Variants in DCDC1 observed in about 807,000 individuals in gnomAD.
DCDC1 encodes doublecortin domain containing 1.
A neutral mutation model predicts 178.3 loss-of-function variants in DCDC1; 200 were observed. That is an observed-to-expected ratio of 1.12 (90% CI 1.00 to 1.26). The LOEUF is 1.26. Ranked by LOEUF, DCDC1 falls within the 50% of genes most tolerant of loss-of-function variation. DCDC1 has a pLI of 0.00. For synonymous variants in DCDC1, 690 were observed against 604.8 expected, an observed-to-expected ratio of 1.14 and a Z score of -2.07; for missense variants, 1,983 against 1,749.2, an observed-to-expected ratio of 1.13 and a Z score of -2.38.
intron 20 of DCDC1, among the ~76,000 whole-genome samples, chr11:30,969,151 C>A (rs930179802): frequency 2.6e-5 from 4 of 152,108 alleles, no homozygotes; most frequent in African/African-American, 9.7e-5. Flanking sequence ...GATGCTCACA[C>A]CCTAATTCCT....
chr11:31,140,805 T>C (rs1314364215), intron 9 of DCDC1, among the ~76,000 whole-genome samples: 1 of 152,188 alleles, frequency 6.6e-6, no homozygotes, highest in Non-Finnish European at 1.5e-5. Context: ...CAGATTCCAA[T>C]GAAACAATTT....
At chr11:31,219,126 G>A (rs1051181531) in intron 9 of DCDC1, among the ~76,000 whole-genome samples, 3 of 151,294 alleles carry the variant, frequency 2.0e-5, no homozygotes, top group African/African-American at 7.3e-5. Context: ...CACACACACA[G>A]CCCACATTAC....
chr11:31,242,198 T>G (rs1455799745), intron 8 of DCDC1, among the ~76,000 whole-genome samples: 1 of 151,940 alleles, frequency 6.6e-6, no homozygotes, highest in Non-Finnish European at 1.5e-5. Flanking sequence ...TACCTTTCTT[T>G]TTTCAGTTTC....
intron 9 of DCDC1, among the ~76,000 whole-genome samples, chr11:31,166,739 T>C (rs1364039140): frequency 2.6e-5 from 4 of 152,352 alleles, no homozygotes; most frequent in East Asian, 1.9e-4. Flanking sequence ...CTAGGTTATA[T>C]GCCTAGTTGA....
Position 30,866,734 on chromosome 11 carries a change from C to T in DCDC1, c.*41-1402G>A, listed in dbSNP as rs1489044676. The stretch of plus-strand genomic sequence containing the variant: ...ACACACTTTTGTTGTTTAAGCTACC[C>T]CTCTTGTGGTACTTAATTATGGCAC... On this transcript the variant is annotated intron_variant, in intron 38 of 38. Coordinates refer to ENST00000684477, the MANE Select transcript of DCDC1 (RefSeq NM_001387274.1). Among the ~76,000 whole-genome samples, 3 of 152,154 alleles carry T rather than the reference C, an allele frequency of 2.0e-5. No homozygotes were observed. The East Asian group carries it at 5.8e-4, about 30-fold the overall frequency.
intron 23 of DCDC1, among the ~76,000 whole-genome samples, chr11:30,923,885 G>A (rs1290326238): frequency 6.6e-6 from 1 of 152,012 alleles, no homozygotes; most frequent in Non-Finnish European, 1.5e-5. Context: ...CCAAAGTGCT[G>A]GGATTACAGG....
At chr11:31,100,477 G>T (rs1958435008) in intron 15 of DCDC1, among the ~76,000 whole-genome samples, 1 of 152,160 alleles carries the variant, frequency 6.6e-6, no homozygotes, top group South Asian at 2.1e-4. Context: ...TGAGTCCTGA[G>T]AATACAAAAT....
chr11:31,277,441 A>C (rs1428905714), intron 7 of DCDC1, among the ~76,000 whole-genome samples: 1 of 152,150 alleles, frequency 6.6e-6, no homozygotes, highest in Non-Finnish European at 1.5e-5. Flanking sequence ...TATATCTAAA[A>C]ATGAGATTGC....
chr11:30,894,911 T>C (rs1944085086), intron 34 of DCDC1, among the ~76,000 whole-genome samples: 1 of 152,180 alleles, frequency 6.6e-6, no homozygotes, highest in African/African-American at 2.4e-5. Context: ...GCTGTGCCCT[T>C]TATGCTGTTA....
intron 29 of DCDC1, among the ~76,000 whole-genome samples, chr11:30,907,965 G>C (rs1173283812): frequency 6.6e-6 from 1 of 152,138 alleles, no homozygotes; most frequent in Non-Finnish European, 1.5e-5. Flanking sequence ...GAATTGATGA[G>C]CTAAAGTTCT....
chr11:30,903,558 G>A lies in DCDC1; in HGVS notation c.4434C>T (p.Leu1478=). The change falls in exon 32 of 39, where the codon CTC becomes CTT. Residue 1478 remains leucine (L), a synonymous_variant. Coordinates refer to ENST00000684477, the MANE Select transcript of DCDC1 (RefSeq NM_001387274.1). Reference sequence around the variant, plus strand: ...GCTTTTGTTTCTCAGAGTCTCTCTGGAGAAAGGATTCATCTAGAGCCCATA... The same window carrying A: ...GCTTTTGTTTCTCAGAGTCTCTCTGAAGAAAGGATTCATCTAGAGCCCATA... ...LVLWALDESF[L]QRDSEKQKQD... 3.1e-6 allele frequency: 5 copies of A among 1,608,066 alleles called. No homozygotes were observed. Among genetic ancestry groups the A allele is most frequent in the Non-Finnish European group, 4.2e-6 (5 of 1,177,078 alleles).
intron 33 of DCDC1, 84 bp downstream of exon 33, chr11:30,900,262 A>AT (rs1944560400): frequency 8.1e-7 from 1 of 1,230,182 alleles, no homozygotes; most frequent in Admixed American, 3.4e-5. Context: ...TACACATTTA[A>AT]TTCATTTTCT....
intron 17 of DCDC1, among the ~76,000 whole-genome samples, chr11:31,082,237 G>A (rs918828225): frequency 1.3e-5 from 2 of 152,044 alleles, no homozygotes; most frequent in African/African-American, 4.8e-5. Flanking sequence ...TGCATCTAAC[G>A]TTAACTAGAC....
intron 8 of DCDC1, among the ~76,000 whole-genome samples, chr11:31,252,971 A>G (rs1944155631): frequency 6.6e-6 from 1 of 152,072 alleles, no homozygotes; most frequent in Admixed American, 6.6e-5. Flanking sequence ...AAATCAATCA[A>G]CAACACTGTC....
chr11:31,254,008 C>T (rs994062068), intron 8 of DCDC1, among the ~76,000 whole-genome samples: 15 of 152,066 alleles, frequency 9.9e-5, no homozygotes, highest in African/African-American at 3.6e-4. Context: ...CTGCAGTCAA[C>T]CCACACCAAC....
chr11:30,963,712 A>G (rs1322291414), intron 20 of DCDC1, among the ~76,000 whole-genome samples: 1 of 152,114 alleles, frequency 6.6e-6, no homozygotes, highest in Non-Finnish European at 1.5e-5. Flanking sequence ...CTACCTATCT[A>G]TAAACTATCA....
chr11:30,926,430 C>T (rs969515941), intron 22 of DCDC1, among the ~76,000 whole-genome samples: 3 of 152,008 alleles, frequency 2.0e-5, no homozygotes, highest in East Asian at 1.9e-4. Flanking sequence ...TCTGCTTTTC[C>T]GAAAGTTAAC....
At chr11:31,137,045 C>T (rs1963216285) in intron 10 of DCDC1, among the ~76,000 whole-genome samples, 1 of 152,022 alleles carries the variant, frequency 6.6e-6, no homozygotes, top group African/African-American at 2.4e-5. Context: ...TAGTATTTAT[C>T]AAAAATTCAA....
intron 1 of DCDC1, among the ~76,000 whole-genome samples, chr11:31,367,050 C>A (rs1951997561): frequency 2.0e-5 from 3 of 152,314 alleles, no homozygotes; most frequent in East Asian, 1.9e-4. Context: ...AATCTCAGCA[C>A]TTTGGGAGGC....
Sources: allele counts gnomAD v4.1 joint callset (sites outside exome capture counted in the v4.1 genomes callset), GRCh38; gene constraint gnomAD v4.1.1; transcripts MANE v1.5; gene names NCBI Gene and HGNC (gene_info 2026-07-23, HGNC 2026-07-21).